Variants in GUCY2C observed in about 807,000 individuals in gnomAD.
GUCY2C encodes guanylate cyclase 2C, also known as guanylyl cyclase C.
Under a neutral mutation model 131.1 loss-of-function variants are expected in GUCY2C, and 118 were observed. The observed-to-expected ratio is 0.90, with a 90% CI of 0.78 to 1.05. The LOEUF (loss-of-function observed/expected upper bound fraction) is 1.05. GUCY2C is among the 50% of genes least tolerant of loss of function. The probability of loss-of-function intolerance (pLI) is 0.00; values close to 1 mark genes in which losing one functional copy is unlikely to be tolerated. For missense variants in GUCY2C, 1,161 were observed against 1,304.4 expected (o/e 0.89, Z 1.69); for synonymous variants, 452 against 457.8 (o/e 0.99, Z 0.16).
At chr12:14,629,515 C>T (rs1346984071) in intron 19 of GUCY2C, among the ~76,000 whole-genome samples, 4 of 152,192 alleles carry the variant, frequency 2.6e-5, no homozygotes, top group South Asian at 4.2e-4. Flanking sequence ...CATATAGCTT[C>T]GAAGGTATAT....
At chr12:14,619,363 A>C in intron 23 of GUCY2C, 54 bp from the exon 24 acceptor site, 1 of 1,091,132 alleles carries the variant, frequency 9.2e-7, no homozygotes, top group Admixed American at 1.7e-5. Flanking sequence ...TGCAGAGTAG[A>C]GTGAAGACAG....
At position 14,669,814 on chromosome 12, in the gene GUCY2C, T is replaced by C. The variant is rs1948067893; in HGVS notation, c.1190A>G (p.Tyr397Cys). The C allele has an allele frequency of 1.3e-6, 2 of 1,576,112 alleles. No homozygotes were observed. Among genetic ancestry groups the C allele is most frequent in the African/African-American group, 1.4e-5 (1 of 73,872 alleles). ...ATAGGTCTTATTTACGTGGGTATCA[T>C]AGGTCAAAAGAACCTTGTACTGTGT... ...DTKKYKVLLT[Y>C]DTHVNKTYPV... Residue 397 changes from tyrosine (Y) to cysteine (C), a missense_variant, in exon 10 of 27, where the codon TAT (tyrosine) becomes TGT (cysteine). By Grantham distance (194) the Tyr-to-Cys change is radical. Coordinates refer to ENST00000261170, the MANE Select transcript of GUCY2C (RefSeq NM_004963.4).
intron 19 of GUCY2C, among the ~76,000 whole-genome samples, chr12:14,638,334 AC>A (rs1272526769): frequency 1.6e-5 from 2 of 121,264 alleles, no homozygotes; most frequent in Non-Finnish European, 3.9e-5. Flanking sequence ...TAAAAATAGA[AC>A]TACCATATGA....
At chr12:14,620,543 C>A (rs1946873630) in intron 23 of GUCY2C, among the ~76,000 whole-genome samples, 1 of 152,170 alleles carries the variant, frequency 6.6e-6, no homozygotes, top group Non-Finnish European at 1.5e-5. Flanking sequence ...ATGTAACTTT[C>A]ATGGTCTTTG....
Position 14,696,242 on chromosome 12 carries a change from C to A in GUCY2C, c.207G>T (p.Leu69=), listed in dbSNP as rs1948652849. The A allele has an allele frequency of 6.2e-7, 1 of 1,612,890 alleles. No homozygotes were observed. The highest frequency in any genetic ancestry group is 2.2e-5 in the East Asian group (1 of 44,880). Residue 69 remains leucine, a synonymous_variant, in exon 1 of 27, where the codon CTG becomes CTT. Coordinates refer to ENST00000261170, the MANE Select transcript of GUCY2C (RefSeq NM_004963.4). ...NEGLEIVRGR[L]QNAGLNVTVN... ...TTAACATTTTCTTACCAGCATTTTGCAGACGTCCTCTCACTATTTCCAGCC... is the reference window on the plus strand; with the variant it reads ...TTAACATTTTCTTACCAGCATTTTGAAGACGTCCTCTCACTATTTCCAGCC...
intron 10 of GUCY2C, among the ~76,000 whole-genome samples, chr12:14,663,418 A>G (rs1947908686): frequency 6.6e-6 from 1 of 152,172 alleles, no homozygotes; most frequent in Non-Finnish European, 1.5e-5. Flanking sequence ...AGTATCTGGG[A>G]TTACAGGCGC....
At chr12:14,681,896 T>G (rs910349667) in intron 4 of GUCY2C, among the ~76,000 whole-genome samples, 6 of 152,158 alleles carry the variant, frequency 3.9e-5, no homozygotes, top group African/African-American at 1.4e-4. Context: ...ATAGATAAGT[T>G]GAAACCCTTG....
rs1168833989 is a variant in GUCY2C, at chr12:14,690,666, T to C, written c.218-2603A>G. On this transcript the variant is annotated intron_variant, in intron 1 of 26. Transcript: ENST00000261170. ...ATGCCATTCTCCTGCCTCAGCCTCC[T>C]GAGTAGCTGGGACTACAGGTGCCCA... is the stretch of plus-strand genomic sequence containing the variant. Among the ~76,000 whole-genome samples the C allele has an allele frequency of 2.0e-5, 3 of 152,108 alleles. No homozygotes were observed. The South Asian group carries it at 6.2e-4, about 32-fold the overall frequency.
chr12:14,626,956 A>G (rs1949352595), intron 20 of GUCY2C, among the ~76,000 whole-genome samples: 1 of 152,224 alleles, frequency 6.6e-6, no homozygotes, highest in Non-Finnish European at 1.5e-5. Context: ...AAGGACTGAG[A>G]AAAGCCAAGC....
chr12:14,618,632 C>G (rs891551208), intron 24 of GUCY2C, among the ~76,000 whole-genome samples: 2 of 152,062 alleles, frequency 1.3e-5, no homozygotes, highest in Non-Finnish European at 2.9e-5. Flanking sequence ...GAGACCCAGT[C>G]TCTATTAAAA....
intron 7 of GUCY2C, among the ~76,000 whole-genome samples, 176 bp downstream of exon 7, chr12:14,676,678 G>C (rs186422921): frequency 6.6e-6 from 1 of 152,144 alleles, no homozygotes; most frequent in Non-Finnish European, 1.5e-5. Flanking sequence ...GGATCCTGCT[G>C]TTTCAAAATG....
At chr12:14,630,665 C>T (rs1947124071) in intron 19 of GUCY2C, among the ~76,000 whole-genome samples, 1 of 152,160 alleles carries the variant, frequency 6.6e-6, no homozygotes, top group East Asian at 1.9e-4. Flanking sequence ...CCTTGAGCCG[C>T]TGTGGATTTT....
At position 14,613,404 on chromosome 12, in the gene GUCY2C, G is replaced by T; in HGVS notation, c.3048-113C>A. On this transcript the variant is annotated intron_variant, in intron 26 of 26. Transcript: ENST00000261170. This position sits in a 1 kb window ranked among gnomAD's most constrained non-coding sequence, Gnocchi z 4.9. ...CAGTTACTCTTTGAATGCCTATTCT[G>T]TGCTAGACACAGGAAATCCAAAGAA... 1.3e-6 allele frequency: 1 copy of T among 767,300 alleles called. No individual in the cohort carries two copies. Among genetic ancestry groups the T allele is most frequent in the Non-Finnish European group, 2.2e-6 (1 of 451,876 alleles). 47.5% of individuals were successfully genotyped at this position (767,300 alleles called of 1,614,324 possible). A position where few individuals can be genotyped will look rare whatever the true frequency, so the allele number is the denominator to read the frequency against.
intron 1 of GUCY2C, among the ~76,000 whole-genome samples, chr12:14,689,235 A>T (rs1211838509): frequency 6.6e-6 from 1 of 152,184 alleles, no homozygotes; most frequent in Non-Finnish European, 1.5e-5. Flanking sequence ...TAAATGCAAT[A>T]TGAAGTATGA....
At position 14,674,738 on chromosome 12, in the gene GUCY2C, G is replaced by A; in HGVS notation, c.971C>T (p.Ala324Val). Reference protein sequence around the residue: ...LSPTKRDFALAYLNGILLFGH... With the variant: ...LSPTKRDFALVYLNGILLFGH... ...AAAGAGCAGGATTCCATTCAAATAGGCAAGAGCAAAGTCTCGTTTTGTCTA... is the reference window on the plus strand; with the variant it reads ...AAAGAGCAGGATTCCATTCAAATAGACAAGAGCAAAGTCTCGTTTTGTCTA... The change falls in exon 8 of 27, where the codon GCC (alanine) becomes GTC (valine). Residue 324 changes from alanine to valine, a missense_variant. Coordinates refer to ENST00000261170, the MANE Select transcript of GUCY2C (RefSeq NM_004963.4). 1 of 1,610,590 alleles carries A rather than the reference G, an allele frequency of 6.2e-7. No individual in the cohort carries two copies. Among genetic ancestry groups the A allele is most frequent in the Non-Finnish European group, 8.5e-7 (1 of 1,177,858 alleles).
chr12:14,672,952 T>C lies in GUCY2C; in HGVS notation c.1091A>G (p.Asp364Gly). 6.3e-7 allele frequency: 1 copy of C among 1,593,354 alleles called. No individual in the cohort carries two copies. Among genetic ancestry groups the C allele is most frequent in the East Asian group, 2.2e-5 (1 of 44,782 alleles). ...CCAGTCATCCAAGGTCACTGGACCG[T>C]CATACCCTAGGGCAAGATCAGAGTA... ...AFRNLTFEGY[D>G]GPVTLDDWGD... Residue 364 changes from aspartate to glycine, a missense_variant, in exon 9 of 27, where the codon GAC becomes GGC. Physicochemically the swap from Asp to Gly is moderately conservative, Grantham distance 94. Coordinates refer to ENST00000261170, the MANE Select transcript of GUCY2C (RefSeq NM_004963.4).
chr12:14,651,866 T>C (rs1299380535), intron 14 of GUCY2C, 93 bp downstream of exon 14: 1 of 702,984 alleles, frequency 1.4e-6, no homozygotes, highest in Non-Finnish European at 2.5e-6. Flanking sequence ...CCTGAGGGCT[T>C]TTCTGTCAGC....
chr12:14,622,278 G>T, intron 21 of GUCY2C, 81 bp from the exon 22 acceptor site: 1 of 876,688 alleles, frequency 1.1e-6, no homozygotes, highest in Non-Finnish European at 1.7e-6. Flanking sequence ...AGGTAGTAGT[G>T]ATTGTCTACC....
At chr12:14,669,460 C>T (rs1239274392) in intron 10 of GUCY2C, among the ~76,000 whole-genome samples, 1 of 151,936 alleles carries the variant, frequency 6.6e-6, no homozygotes, top group Non-Finnish European at 1.5e-5. Context: ...AAGCAGTCTT[C>T]CTGCCTTGGC....
Sources: allele counts gnomAD v4.1 joint callset (sites outside exome capture counted in the v4.1 genomes callset), GRCh38; gene constraint gnomAD v4.1.1; non-coding constraint Gnocchi (gnomAD v3.1); transcripts MANE v1.5; gene names NCBI Gene and HGNC (gene_info 2026-07-23, HGNC 2026-07-21).